RBFOX1: variants seen among roughly 807,000 people sequenced by gnomAD.
RBFOX1 encodes RNA binding fox-1 homolog 1, also known as RNA binding protein fox-1 homolog 1.
Under a neutral mutation model 57.7 loss-of-function variants are expected in RBFOX1, and 8 were observed. The observed-to-expected ratio is 0.14, with a 90% CI of 0.08 to 0.25. The LOEUF is 0.25. Among genes scored for constraint, RBFOX1 ranks in the 10% least tolerant of loss-of-function variants. RBFOX1 has a pLI of 1.00. For missense variants in RBFOX1, 611 were observed against 548.5 expected (o/e 1.11, Z -1.14); for synonymous variants, 326 against 222.4 (o/e 1.47, Z -4.15).
intron 4 of RBFOX1, among the ~76,000 whole-genome samples, chr16:7,189,766 T>C (rs1199979214): frequency 3.9e-5 from 6 of 152,202 alleles, no homozygotes; most frequent in Admixed American, 2.0e-4. Context: ...GGCAATCCCT[T>C]CTATAACTTT....
chr16:5,776,988 A>T (rs2151693466), intron 3 of RBFOX1, among the ~76,000 whole-genome samples: 1 of 152,358 alleles, frequency 6.6e-6, no homozygotes, highest in Non-Finnish European at 1.5e-5. Flanking sequence ...TTAAGTAGCC[A>T]AGTGCAGTTA....
intron 1 of RBFOX1, among the ~76,000 whole-genome samples, chr16:6,218,100 C>A (rs1045077359): frequency 1.3e-5 from 2 of 152,036 alleles, no homozygotes; most frequent in South Asian, 4.2e-4. Context: ...GTGTCCTTCC[C>A]TTTGGTGCTG....
chr16:6,602,586 A>C (rs1389971507), intron 2 of RBFOX1, among the ~76,000 whole-genome samples: 1 of 152,154 alleles, frequency 6.6e-6, no homozygotes, highest in Non-Finnish European at 1.5e-5. Flanking sequence ...CTGGGAGGCC[A>C]GGCGGGGACT....
At chr16:6,091,788 G>A (rs957278477) in intron 1 of RBFOX1, among the ~76,000 whole-genome samples, 32 of 152,062 alleles carry the variant, frequency 2.1e-4, no homozygotes, top group African/African-American at 3.9e-4. Context: ...CCAAGATTGC[G>A]CCACTGCACT....
At chr16:5,416,431 T>A (rs2067161380) in intron 1 of RBFOX1, among the ~76,000 whole-genome samples, 1 of 152,262 alleles carries the variant, frequency 6.6e-6, no homozygotes, top group East Asian at 1.9e-4. Context: ...AATCACTGAT[T>A]TTTAGTTCAA....
At chr16:6,184,722 G>A (rs1006134604) in intron 1 of RBFOX1, among the ~76,000 whole-genome samples, 5 of 123,958 alleles carry the variant, frequency 4.0e-5, no homozygotes, top group South Asian at 2.7e-4. Flanking sequence ...ACCATGCCTG[G>A]CTCATTTTTT....
chr16:6,371,423 T>C (rs965794848), intron 2 of RBFOX1, among the ~76,000 whole-genome samples: 3 of 152,240 alleles, frequency 2.0e-5, no homozygotes, highest in Admixed American at 6.5e-5. Context: ...TTTTATTCTA[T>C]GAACTACAAT....
At chr16:6,623,549 T>C (rs551034968) in intron 2 of RBFOX1, among the ~76,000 whole-genome samples, 1 of 152,110 alleles carries the variant, frequency 6.6e-6, no homozygotes, top group Non-Finnish European at 1.5e-5. Flanking sequence ...ACTCATTAAC[T>C]CGTCATTTAA....
At position 5,988,008 on chromosome 16, in the gene RBFOX1, C is replaced by T. The variant is rs148584710; in HGVS notation, c.351+120673C>T. On this transcript the variant is annotated intron_variant, in intron 4 of 19. Coordinates refer to the RBFOX1 transcript ENST00000641259. The stretch of plus-strand genomic sequence containing the variant: ...CCAGAGACAAGCTGCAAATCTCTGC[C>T]TGGCTCTAGCCCACAGTACTTCACC... Among the ~76,000 whole-genome samples, 153 of 152,274 alleles carry T rather than the reference C, an allele frequency of 1.0e-3. 1 individual carries two copies. The highest frequency in any genetic ancestry group is 3.3e-3 in the African/African-American group (138 of 41,566).
At chr16:7,247,906 T>G (rs373076643) in intron 4 of RBFOX1, among the ~76,000 whole-genome samples, 3 of 151,076 alleles carry the variant, frequency 2.0e-5, no homozygotes, top group African/African-American at 4.9e-5. Context: ...AGGGTGGGAG[T>G]AGGGAGAGGA....
intron 1 of RBFOX1, among the ~76,000 whole-genome samples, chr16:6,060,030 C>T (rs968700223): frequency 1.3e-5 from 2 of 150,946 alleles, no homozygotes; most frequent in Non-Finnish European, 2.9e-5. Flanking sequence ...CTGTTCTTTC[C>T]CACTCTGTTT....
At chr16:6,546,942 C>T (rs377125533) in intron 2 of RBFOX1, among the ~76,000 whole-genome samples, 1 of 152,226 alleles carries the variant, frequency 6.6e-6, no homozygotes, top group African/African-American at 2.4e-5. Context: ...AAGTGTGGTC[C>T]GTAGATTCAA....
chr16:6,744,617 A>G (rs1055861907), intron 3 of RBFOX1, among the ~76,000 whole-genome samples: 3 of 152,220 alleles, frequency 2.0e-5, no homozygotes, highest in African/African-American at 7.2e-5. Flanking sequence ...GAAAATCTAA[A>G]TGGAAGTCAA....
chr16:6,900,218 C>T (rs1403466681), intron 3 of RBFOX1, among the ~76,000 whole-genome samples: 8 of 152,110 alleles, frequency 5.3e-5, no homozygotes, highest in Admixed American at 4.6e-4. Context: ...GTGAATAATT[C>T]ACTTGCTATT....
intron 3 of RBFOX1, among the ~76,000 whole-genome samples, chr16:7,023,836 T>A (rs2040078409): frequency 6.6e-6 from 1 of 152,098 alleles, no homozygotes; most frequent in Non-Finnish European, 1.5e-5. Flanking sequence ...ATCACCCAGA[T>A]GTTAAATTTA....
chr16:5,875,577 T>C (rs2057586668), intron 4 of RBFOX1, among the ~76,000 whole-genome samples: 1 of 152,174 alleles, frequency 6.6e-6, no homozygotes. Context: ...TACACACTAG[T>C]CGTTGTAGTG....
chr16:7,170,585 A>G (rs752317445), intron 4 of RBFOX1, among the ~76,000 whole-genome samples: 5 of 152,202 alleles, frequency 3.3e-5, no homozygotes, highest in African/African-American at 4.8e-5. Flanking sequence ...GAGAAACTAA[A>G]GGATTTGACT....
intron 4 of RBFOX1, among the ~76,000 whole-genome samples, chr16:7,142,441 C>T (rs527680336): frequency 4.6e-5 from 7 of 152,248 alleles, no homozygotes; most frequent in East Asian, 1.9e-4. Flanking sequence ...GCCCCTGTAC[C>T]GCAGGCGACT....
rs539153894 is a variant in RBFOX1 at position 6,607,081 on chromosome 16, C to A, written c.-63-47522C>A. 2.0e-5 allele frequency among the ~76,000 whole-genome samples: 3 copies of A among 152,322 alleles called. 1 individual carries two copies. In the South Asian group the frequency reaches 6.2e-4, roughly 32 times the overall value. ...TATACATTTTTTAATATACCTGAGG[C>A]TGCTGCCTTCCAAACCTACTGACTA... On this transcript the variant is annotated intron_variant, in intron 2 of 15. Transcript: ENST00000550418.
Sources: gnomAD v4.1 joint callset for allele counts (sites outside exome capture counted in the v4.1 genomes callset) on GRCh38, gnomAD v4.1.1 for gene constraint, MANE v1.5 for transcripts, NCBI Gene and HGNC (gene_info 2026-07-23, HGNC 2026-07-21) for gene names.